The following BAG6 variants were observed in gnomAD, a reference collection of about 807,000 sequenced individuals.
The protein encoded by BAG6 is BAG cochaperone 6.
Under a neutral mutation model 121.0 loss-of-function variants are expected in BAG6, and 22 were observed. That is an observed-to-expected ratio of 0.18 (90% CI 0.13 to 0.26). BAG6 has a LOEUF of 0.26. BAG6 is among the 10% of genes least tolerant of loss of function. BAG6 has a pLI of 1.00. For missense variants in BAG6, 1,233 were observed against 1,537.7 expected, an observed-to-expected ratio of 0.80 and a Z score of 3.31; for synonymous variants, 583 against 584.6, an observed-to-expected ratio of 1.00 and a Z score of 0.04.
At chr6:31,648,453 T>G (rs1177565302) in intron 6 of BAG6, among the ~76,000 whole-genome samples, 3 of 152,156 alleles carry the variant, frequency 2.0e-5, no homozygotes, top group Non-Finnish European at 4.4e-5. Flanking sequence ...GCCATGAGAC[T>G]AAGTCTGAAA....
At chr6:31,639,403 C>T (rs934323647) in intron 25 of BAG6, 97 bp downstream of exon 25, 24 of 1,533,730 alleles carry the variant, frequency 1.6e-5, no homozygotes, top group Middle Eastern at 1.8e-4. Flanking sequence ...AATGGTAGCA[C>T]CAGGCTGACC....
At chr6:31,651,875 T>G (rs805299) in intron 1 of BAG6, 99 bp from the exon 2 acceptor site, 1 of 801,030 alleles carries the variant, frequency 1.2e-6, no homozygotes, top group East Asian at 2.6e-5. Context: ...CCTAAAAAGT[T>G]TCTCCTGCAC....
At chr6:31,650,514 T>C (rs2151023011) in intron 2 of BAG6, among the ~76,000 whole-genome samples, 1 of 151,888 alleles carries the variant, frequency 6.6e-6, no homozygotes, top group Middle Eastern at 3.4e-3. Context: ...ATACAAAAAT[T>C]AGCCGGGCGT....
chr6:31,642,830 T>C lies in BAG6; in HGVS notation c.2042A>G (p.Gln681Arg). Residue 681 changes from glutamine to arginine, a missense_variant and splice_region_variant, in exon 15 of 26, where the codon CAG (glutamine) becomes CGG (arginine). Transcript: ENST00000676615. Reference protein sequence around the residue: ...AFLQGMTDFLQATQTAPPPPP... With the variant: ...AFLQGMTDFLRATQTAPPPPP... ...GTGAATGGCAAGCCAGCCACTCACC[T>C]GCAAGAAGTCAGTCATGCCTTGGAG... 6.2e-7 allele frequency: 1 copy of C among 1,611,580 alleles called. No individual in the cohort carries two copies. The highest frequency in any genetic ancestry group is 8.5e-7 in the Non-Finnish European group (1 of 1,178,944).
chr6:31,639,443 G>GGGT (rs1561867868), intron 25 of BAG6, 57 bp downstream of exon 25: 1 of 1,572,030 alleles, frequency 6.4e-7, no homozygotes, highest in Non-Finnish European at 8.7e-7. Flanking sequence ...CCAGGGAAGA[G>GGGT]GGACCCTAGC....
Position 31,640,728 on chromosome 6 carries a change from C to A in BAG6, c.2935-24G>T. On this transcript the variant is annotated intron_variant, in intron 21 of 25. Transcript: ENST00000676615. The surrounding 1 kb of genome is among the most constrained non-coding windows in gnomAD (Gnocchi z 4.2). ...GGCTGTGAAATTAAAGAACACCATACTTCCTCTCAGATCTCTCCAGTTCTC... is the reference window on the plus strand; with the variant it reads ...GGCTGTGAAATTAAAGAACACCATAATTCCTCTCAGATCTCTCCAGTTCTC... The A allele has an allele frequency of 2.5e-6, 4 of 1,613,020 alleles. No individual in the cohort carries two copies. Among genetic ancestry groups the A allele is most frequent in the African/African-American group, 1.3e-5 (1 of 75,032 alleles).
chr6:31,643,254 G>GAA, intron 14 of BAG6, 139 bp from the exon 15 acceptor site: 68 of 611,816 alleles, frequency 1.1e-4, no homozygotes, highest in Non-Finnish European at 1.5e-4. Flanking sequence ...ATCTCTACCA[G>GAA]AAAAAAAAAA....
intron 25 of BAG6, 104 bp from the exon 26 acceptor site, chr6:31,639,330 G>A: frequency 1.4e-6 from 2 of 1,435,156 alleles, no homozygotes; most frequent in South Asian, 1.2e-5. Flanking sequence ...CCCCCCCCAA[G>A]CACACTGTCA....
chr6:31,648,508 G>C (rs758809688), intron 6 of BAG6, among the ~76,000 whole-genome samples, 169 bp downstream of exon 6: 1 of 152,126 alleles, frequency 6.6e-6, no homozygotes, highest in Non-Finnish European at 1.5e-5. Context: ...GCAGAAATGA[G>C]AGAGCCTCAC....
rs2150699090 is a variant in BAG6, at chr6:31,641,358, T to C, written c.2624A>G (p.Gln875Arg). Residue 875 changes from glutamine to arginine, a missense_variant, in exon 19 of 26, where the codon CAG (glutamine) becomes CGG (arginine). This residue lies in a region of BAG6 where 288 missense variants were observed against 483.1 expected (regional missense o/e 0.60). Coordinates refer to ENST00000676615, the MANE Select transcript of BAG6 (RefSeq NM_001387994.1). This position sits in a 1 kb window ranked among gnomAD's most constrained non-coding sequence, Gnocchi z 5.7. ...CACATGCGCAGCAATGCTATTAAAC[T>C]GCTCTTGGAGAAATTCCAGGTTTGT... Reference protein sequence around the residue: ...IRTNLEFLQEQFNSIAAHVLH... With the variant: ...IRTNLEFLQERFNSIAAHVLH... The C allele has an allele frequency of 6.2e-7, 1 of 1,614,256 alleles. No homozygotes were observed. Among genetic ancestry groups the C allele is most frequent in the East Asian group, 2.2e-5 (1 of 44,890 alleles).
intron 15 of BAG6, 62 bp from the exon 16 acceptor site, chr6:31,642,465 A>G (rs1783882606): frequency 7.6e-6 from 6 of 792,192 alleles, no homozygotes; most frequent in Middle Eastern, 3.6e-4. Flanking sequence ...ACACGGAAAT[A>G]ATACGGCATC....
chr6:31,641,456 C>T lies in BAG6; in HGVS notation c.2560-34G>A, dbSNP rs188951717. The T allele has an allele frequency of 5.0e-6, 8 of 1,610,800 alleles. No homozygotes were observed. In the African/African-American group the frequency reaches 1.1e-4, roughly 22 times the overall value. ...CAAGATAACACAAAGATCCCAAAATCAAGAATCATAAGACTGGGAGTGGAG... is the reference window on the plus strand; with the variant it reads ...CAAGATAACACAAAGATCCCAAAATTAAGAATCATAAGACTGGGAGTGGAG... On this transcript the variant is annotated intron_variant, in intron 18 of 25. Transcript: ENST00000676615. The surrounding 1 kb of genome is among the most constrained non-coding windows in gnomAD (Gnocchi z 5.7).
rs1740561607 is a variant in BAG6, at chr6:31,640,169, G to GA, written c.3246+29dup. ...GGCATGACGGGGAAACCTGGATAGAGAGAGAGGCTTAGGGAAGAGGAAAAC... is the reference window on the plus strand; with the variant it reads ...GGCATGACGGGGAAACCTGGATAGAGAAGAGAGGCTTAGGGAAGAGGAAAAC... On this transcript the variant is annotated intron_variant, in intron 24 of 25. Transcript: ENST00000676615. The surrounding 1 kb of genome is among the most constrained non-coding windows in gnomAD (Gnocchi z 4.2). 1.2e-6 allele frequency: 2 copies of GA among 1,601,540 alleles called. No individual in the cohort carries two copies. The highest frequency in any genetic ancestry group is 1.7e-6 in the Non-Finnish European group (2 of 1,169,148).
rs1385650539 is a variant in BAG6, at chr6:31,642,357, G to A, written c.2090C>T (p.Pro697Leu). 1 of 1,519,344 alleles carries A rather than the reference G, an allele frequency of 6.6e-7. No individual in the cohort carries two copies. Among genetic ancestry groups the A allele is most frequent in the Non-Finnish European group, 8.9e-7 (1 of 1,127,720 alleles). 94.1% of individuals were successfully genotyped at this position (1,519,344 alleles called of 1,614,324 possible). The change falls in exon 16 of 26, where the codon CCA (proline) becomes CTA (leucine). Residue 697 changes from proline to leucine, a missense_variant. Around this residue, in one of 7 missense-constraint regions of BAG6, gnomAD observed 777 missense variants for 861.4 expected, o/e 0.90. Coordinates refer to ENST00000676615, the MANE Select transcript of BAG6 (RefSeq NM_001387994.1). ...CATGGTCTGCTGCTCTGGGGCAGGT[G>A]GTGGGGGTGGAGGAGGTGGGGGTGG... The part of the protein sequence containing the change: ...PPPPPPPPPP[P>L]PAPEQQTMPP...
chr6:31,651,927 G>A, intron 1 of BAG6, 151 bp from the exon 2 acceptor site: 3 of 570,930 alleles, frequency 5.3e-6, no homozygotes, highest in Admixed American at 2.7e-5. Flanking sequence ...TTCTGATTCC[G>A]GGGCACAGGG....
chr6:31,640,765 G>A lies in BAG6; in HGVS notation c.2934+27C>T. On this transcript the variant is annotated intron_variant, in intron 21 of 25. Coordinates refer to ENST00000676615, the MANE Select transcript of BAG6 (RefSeq NM_001387994.1). The surrounding 1 kb of genome is among the most constrained non-coding windows in gnomAD (Gnocchi z 4.2). Reference sequence around the variant, plus strand: ...TCTCTCCAGTTCTCTCAAGTACCCTGACCCCATCGCCCAACAGGTCCCTTA... The same window carrying A: ...TCTCTCCAGTTCTCTCAAGTACCCTAACCCCATCGCCCAACAGGTCCCTTA... 6.2e-7 allele frequency: 1 copy of A among 1,612,720 alleles called. No individual in the cohort carries two copies. The highest frequency in any genetic ancestry group is 8.5e-7 in the Non-Finnish European group (1 of 1,180,012).
Position 31,640,367 on chromosome 6 carries a change from T to A in BAG6, c.3138+18A>T, listed in dbSNP as rs760454395. 1.2e-6 allele frequency: 2 copies of A among 1,614,162 alleles called. No individual in the cohort carries two copies. Among genetic ancestry groups the A allele is most frequent in the Non-Finnish European group, 1.7e-6 (2 of 1,180,024 alleles). On this transcript the variant is annotated intron_variant, in intron 23 of 25. Transcript: ENST00000676615. This position sits in a 1 kb window ranked among gnomAD's most constrained non-coding sequence, Gnocchi z 4.2. ...CTTTCAGCTGCCATGACCCACTGGA[T>A]TACTTCCTGACACTTACTGGGGGGA...
At chr6:31,643,214 C>T in intron 14 of BAG6, 99 bp from the exon 15 acceptor site, 2 of 1,278,816 alleles carry the variant, frequency 1.6e-6, no homozygotes, top group Non-Finnish European at 2.1e-6. Flanking sequence ...CTGCTTGAGC[C>T]CAGGAGTCTA....
Position 31,648,972 on chromosome 6 carries a change from A to C in BAG6, c.424-8T>G, listed in dbSNP as rs769661874. 1.0e-4 allele frequency: 157 copies of C among 1,524,118 alleles called. No individual in the cohort carries two copies. Among genetic ancestry groups the C allele is most frequent in the Non-Finnish European group, 1.3e-4 (153 of 1,139,536 alleles). The allele number at this position is 1,524,118 out of a possible 1,614,324, so 94.4% of individuals were successfully genotyped here. ...CACAGCAGAGCCGTCACTCTGGGGA[A>C]AGGGTAAGGGAAGTTGTTCTGGGAG... On this transcript the variant is annotated splice_polypyrimidine_tract_variant and splice_region_variant and intron_variant, in intron 4 of 25. Transcript: ENST00000676615.
Sources: allele counts gnomAD v4.1 joint callset (sites outside exome capture counted in the v4.1 genomes callset), GRCh38; gene constraint gnomAD v4.1.1; regional missense constraint gnomAD v4.1.1; non-coding constraint Gnocchi (gnomAD v3.1); transcripts MANE v1.5; gene names NCBI Gene and HGNC (gene_info 2026-07-23, HGNC 2026-07-21).